The following SHB variants were observed in gnomAD, a reference collection of about 807,000 sequenced individuals.
SHB encodes the protein SH2 domain-containing adapter protein B.
A neutral mutation model predicts 52.3 loss-of-function variants in SHB; 20 were observed. That is an observed-to-expected ratio of 0.38 (90% CI 0.27 to 0.56). SHB has a LOEUF of 0.56. Among genes scored for constraint, SHB ranks in the 20% least tolerant of loss-of-function variants. The probability of loss-of-function intolerance (pLI) is 0.71; values close to 1 mark genes in which losing one functional copy is unlikely to be tolerated. For missense variants in SHB, 825 were observed against 723.3 expected (o/e 1.14, Z -1.61); for synonymous variants, 397 against 316.5 (o/e 1.25, Z -2.70).
At chr9:38,003,621 C>T (rs1821045499) in intron 2 of SHB, among the ~76,000 whole-genome samples, 1 of 152,140 alleles carries the variant, frequency 6.6e-6, no homozygotes, top group African/African-American at 2.4e-5. Context: ...CCACGAAGAC[C>T]CTCCAGAGCT....
At chr9:38,063,415 C>A (rs914705677) in intron 1 of SHB, among the ~76,000 whole-genome samples, 6 of 152,240 alleles carry the variant, frequency 3.9e-5, no homozygotes, top group Non-Finnish European at 8.8e-5. Context: ...ACCTGCCCTG[C>A]TGCCCCCAGC....
At chr9:38,046,437 AG>A (rs1485489532) in intron 1 of SHB, among the ~76,000 whole-genome samples, 3 of 152,230 alleles carry the variant, frequency 2.0e-5, no homozygotes, top group Non-Finnish European at 4.4e-5. Context: ...AAGAACAAGC[AG>A]TTGCCCTGAG....
chr9:38,016,055 C>A lies in SHB; in HGVS notation c.794G>T (p.Ser265Ile). ...DLKSKAGKGE[S>I]AGYMEPYEAQ... is the part of the protein sequence containing the mutation. ...CTCATAGGGCTCCATGTAGCCAGCA[C>A]TCTCCCCCTTTCCTGCTTTGCTCTT... is the stretch of plus-strand genomic sequence containing the variant. Residue 265 changes from serine to isoleucine, a missense_variant, in exon 2 of 6, where the codon AGT (serine) becomes ATT (isoleucine). Transcript: ENST00000377707. The A allele has an allele frequency of 6.2e-7, 1 of 1,614,220 alleles. No individual in the cohort carries two copies. The highest frequency in any genetic ancestry group is 8.5e-7 in the Non-Finnish European group (1 of 1,180,008).
chr9:37,929,187 C>T (rs1832285120), intron 5 of SHB, among the ~76,000 whole-genome samples: 1 of 152,202 alleles, frequency 6.6e-6, no homozygotes, highest in African/African-American at 2.4e-5. Context: ...TTTCACTGTT[C>T]ACCCACAAGG....
rs1410805114 is a variant in SHB, at chr9:37,918,815, C to A, written c.*1006G>T. ...TCCAGGGGTTGGGGGGGTGTCAACA[C>A]AGACGTCCCACTGCAGGAGGGAAAG... On this transcript the variant is annotated 3_prime_UTR_variant, in exon 6 of 6. Coordinates refer to ENST00000377707, the MANE Select transcript of SHB (RefSeq NM_003028.3). 6.6e-6 allele frequency among the ~76,000 whole-genome samples: 1 copy of A among 152,200 alleles called. No individual in the cohort carries two copies. The highest frequency in any genetic ancestry group is 2.4e-5 in the African/African-American group (1 of 41,444).
intron 1 of SHB, among the ~76,000 whole-genome samples, chr9:38,022,461 T>C (rs1587248747): frequency 6.6e-6 from 1 of 152,214 alleles, no homozygotes; most frequent in East Asian, 1.9e-4. Flanking sequence ...CTGGGGCTCT[T>C]TGTCTTGGCT....
intron 2 of SHB, among the ~76,000 whole-genome samples, chr9:38,007,953 C>T (rs1432184183): frequency 6.6e-6 from 1 of 152,174 alleles, no homozygotes; most frequent in Non-Finnish European, 1.5e-5. Context: ...GTGCAGCACA[C>T]TTTGGTCCCA....
chr9:38,046,480 G>C (rs1821653486), intron 1 of SHB, among the ~76,000 whole-genome samples: 1 of 152,222 alleles, frequency 6.6e-6, no homozygotes, highest in African/African-American at 2.4e-5. Flanking sequence ...GCCCCCCCGG[G>C]TCCTCCTTCT....
At chr9:37,947,137 C>T (rs1832501812) in intron 5 of SHB, among the ~76,000 whole-genome samples, 1 of 152,218 alleles carries the variant, frequency 6.6e-6, no homozygotes, top group African/African-American at 2.4e-5. Context: ...CCGATTCTTT[C>T]AGCCATCAGG....
intron 2 of SHB, among the ~76,000 whole-genome samples, chr9:37,975,450 G>A (rs952427128): frequency 4.6e-5 from 7 of 152,188 alleles, no homozygotes; most frequent in African/African-American, 1.4e-4. Flanking sequence ...AGGGATTTGA[G>A]AGGGTGTCCA....
intron 1 of SHB, among the ~76,000 whole-genome samples, chr9:38,044,636 T>C (rs891958615): frequency 6.6e-6 from 1 of 152,232 alleles, no homozygotes; most frequent in African/African-American, 2.4e-5. Context: ...AGCACAGGCC[T>C]GCATGAGGCC....
chr9:37,933,019 G>A (rs766044894), intron 5 of SHB, among the ~76,000 whole-genome samples: 4 of 151,948 alleles, frequency 2.6e-5, no homozygotes, highest in African/African-American at 9.7e-5. Flanking sequence ...AATCCAGAGG[G>A]GCCTTTTAAA....
At chr9:37,995,950 T>C (rs1350703507) in intron 2 of SHB, among the ~76,000 whole-genome samples, 2 of 152,172 alleles carry the variant, frequency 1.3e-5, no homozygotes, top group Admixed American at 1.3e-4. Context: ...TTCTATACAA[T>C]AGGTCAAATC....
chr9:38,062,390 C>T (rs545349102), intron 1 of SHB, among the ~76,000 whole-genome samples: 37 of 152,304 alleles, frequency 2.4e-4, no homozygotes, highest in Admixed American at 2.4e-3. Context: ...CCATGGGACA[C>T]TGCAGCTCCT....
intron 1 of SHB, among the ~76,000 whole-genome samples, chr9:38,066,366 A>C (rs1335744408): frequency 2.0e-5 from 3 of 152,134 alleles, no homozygotes; most frequent in Non-Finnish European, 4.4e-5. Context: ...TTTTATATAC[A>C]AGACCTCCAG....
rs534917868 is a variant in SHB at position 38,013,334 on chromosome 9, G to C, written c.838+2677C>G. Among the ~76,000 whole-genome samples the C allele has an allele frequency of 2.6e-5, 4 of 152,252 alleles. No homozygotes were observed. In the East Asian group the frequency reaches 7.7e-4, roughly 29 times the overall value. ...GTACCCTCATTTAAAAGGCAAAGTC[G>C]GTGCAGTGGCTCATGCCTGCAATCC... On this transcript the variant is annotated intron_variant, in intron 2 of 5. Transcript: ENST00000377707.
chr9:38,033,681 C>T (rs537705597), intron 1 of SHB, among the ~76,000 whole-genome samples: 15 of 152,100 alleles, frequency 9.9e-5, no homozygotes, highest in African/African-American at 3.6e-4. Flanking sequence ...CAGGTGGTCC[C>T]GAGTTTCCCA....
In SHB at chr9:37,916,282, G is replaced by A. The variant is rs1039118980; in HGVS notation, c.*3539C>T. The stretch of plus-strand genomic sequence containing the variant: ...GCCTGATTCGGCCATGACCCTTCAC[G>A]GGTGTCTGTGGGCCAACACCAAACG... On this transcript the variant is annotated 3_prime_UTR_variant, in exon 6 of 6. Transcript: ENST00000377707. 1.3e-5 allele frequency among the ~76,000 whole-genome samples: 2 copies of A among 152,264 alleles called. No homozygotes were observed. Among genetic ancestry groups the A allele is most frequent in the South Asian group, 2.1e-4 (1 of 4,834 alleles).
chr9:38,013,806 T>A (rs965230398), intron 2 of SHB, among the ~76,000 whole-genome samples: 2 of 152,120 alleles, frequency 1.3e-5, no homozygotes, highest in Admixed American at 1.3e-4. Flanking sequence ...TGTAACAACA[T>A]CCTGCCTGTG....
Sources: gnomAD v4.1 joint callset for allele counts (sites outside exome capture counted in the v4.1 genomes callset) on GRCh38, gnomAD v4.1.1 for gene constraint, MANE v1.5 for transcripts, NCBI Gene and HGNC (gene_info 2026-07-23, HGNC 2026-07-21) for gene names.